BEND3: variants seen among roughly 807,000 people sequenced by gnomAD.
BEND3 encodes BEN domain containing 3.
Under a neutral mutation model 60.1 loss-of-function variants are expected in BEND3, and 13 were observed. That is an observed-to-expected ratio of 0.22 (90% CI 0.14 to 0.34). The LOEUF is 0.34. BEND3 is among the 10% of genes least tolerant of loss of function. BEND3 has a pLI of 1.00. For synonymous variants in BEND3, 497 were observed against 491.5 expected, an observed-to-expected ratio of 1.01 and a Z score of -0.15; for missense variants, 896 against 1,138.1, an observed-to-expected ratio of 0.79 and a Z score of 3.06.
At chr6:107,110,603 G>C (rs1554238248) in intron 1 of BEND3, among the ~76,000 whole-genome samples, 1 of 152,096 alleles carries the variant, frequency 6.6e-6, no homozygotes, top group African/African-American at 2.4e-5. Flanking sequence ...CTGTCACCCA[G>C]GCTGGAGTGC....
At chr6:107,101,719 G>A (rs1242681402) in intron 1 of BEND3, among the ~76,000 whole-genome samples, 1 of 152,138 alleles carries the variant, frequency 6.6e-6, no homozygotes, top group Non-Finnish European at 1.5e-5. Context: ...ACTTTGGATC[G>A]CCATCATCTG....
In BEND3 at chr6:107,068,970, C is replaced by A. The variant is rs373175633; in HGVS notation, c.2221G>T (p.Ala741Ser). The change falls in exon 4 of 4, where the codon GCC becomes TCC. Residue 741 changes from alanine (A) to serine (S), a missense_variant. Physicochemically the swap from Ala to Ser is moderately conservative, Grantham distance 99. Coordinates refer to ENST00000369042, the MANE Select transcript of BEND3 (RefSeq NM_001367314.1). The surrounding 1 kb of genome is among the most constrained non-coding windows in gnomAD (Gnocchi z 5.8). ...GGAAACAGGCGGACGAGGAGCCGGG[C>A]GGCAAAGTTGCCCACGGAGAGGCTC... ...QQSLSVGNFA[A>S]RLLVRLFPEL... 5 of 1,613,714 alleles carry A rather than the reference C, an allele frequency of 3.1e-6. No individual in the cohort carries two copies. In the African/African-American group the frequency reaches 4.0e-5, roughly 13 times the overall value.
intron 3 of BEND3, among the ~76,000 whole-genome samples, chr6:107,086,112 C>G (rs1316677690): frequency 1.3e-5 from 2 of 152,158 alleles, no homozygotes; most frequent in African/African-American, 4.8e-5. Context: ...AAGGCTTGCC[C>G]TCCGGAGAAC....
At position 107,069,305 on chromosome 6, in the gene BEND3, C is replaced by T; in HGVS notation, c.1886G>A (p.Arg629His). ...GCCCACGAACTCCAGGGTCCAGACG[C>T]GGTCGTTTTTGGCGCGTGGGTAGAG... ...QLLYPRAKND[R>H]VWTLEFVGKL... The change falls in exon 4 of 4, where the codon CGC becomes CAC. Residue 629 changes from arginine to histidine, a missense_variant. By Grantham distance (29) the Arg-to-His change is conservative. Around this residue, in one of 4 missense-constraint regions of BEND3, gnomAD observed 846 missense variants for 1,036.7 expected, o/e 0.82. Transcript: ENST00000369042. 1.9e-6 allele frequency: 3 copies of T among 1,613,268 alleles called. No individual in the cohort carries two copies. Among genetic ancestry groups the T allele is most frequent in the Non-Finnish European group, 2.5e-6 (3 of 1,179,858 alleles).
intron 3 of BEND3, among the ~76,000 whole-genome samples, chr6:107,072,664 G>C (rs534163664): frequency 6.6e-6 from 1 of 152,240 alleles, no homozygotes; most frequent in East Asian, 1.9e-4. Context: ...TCATCATTCT[G>C]AACCTTCCAT....
chr6:107,069,086 G>A lies in BEND3; in HGVS notation c.2105C>T (p.Pro702Leu). The A allele has an allele frequency of 1.2e-6, 2 of 1,613,132 alleles. No individual in the cohort carries two copies. The highest frequency in any genetic ancestry group is 1.7e-6 in the Non-Finnish European group (2 of 1,179,974). Residue 702 changes from proline to leucine, a missense_variant, in exon 4 of 4, where the codon CCC (proline) becomes CTC (leucine). Coordinates refer to ENST00000369042, the MANE Select transcript of BEND3 (RefSeq NM_001367314.1). ...CGAGGGGACCACCAGCTCGTCCAAG[G>A]GGATCTTGCAAAAGTCCTTGCTGCT... ...ERSSKDFCKI[P>L]LDELVVPSPD...
Position 107,077,081 on chromosome 6 carries a change from T to A in BEND3, c.241-6131A>T, listed in dbSNP as rs1775116028. 2.0e-5 allele frequency among the ~76,000 whole-genome samples: 3 copies of A among 151,980 alleles called. No individual in the cohort carries two copies. In the South Asian group the frequency reaches 6.2e-4, roughly 32 times the overall value. ...TATCCTGGGTATTAATTAGGGCAGG[T>A]CTCCCTCTAGAACATGTACTCTTGT... On this transcript the variant is annotated intron_variant, in intron 3 of 3. Coordinates refer to ENST00000369042, the MANE Select transcript of BEND3 (RefSeq NM_001367314.1).
intron 3 of BEND3, among the ~76,000 whole-genome samples, chr6:107,094,857 G>C (rs2115022928): frequency 8.4e-6 from 1 of 119,352 alleles, no homozygotes; most frequent in East Asian, 2.6e-4. Context: ...GTCTCACTCT[G>C]TCACCCAGAC....
chr6:107,069,171 C>T lies in BEND3; in HGVS notation c.2020G>A (p.Ala674Thr). The stretch of plus-strand genomic sequence containing the variant: ...TCCCGGAACCTCTCGGGGTTGATTG[C>T]ATAGCTGGTCAAGTCTCTGCACTCA... ...GPECRDLTSYAINPERFREEF... is the reference protein window; with the variant it reads ...GPECRDLTSYTINPERFREEF... The change falls in exon 4 of 4, where the codon GCA becomes ACA. Residue 674 changes from alanine (A) to threonine (T), a missense_variant. Physicochemically the swap from Ala to Thr is moderately conservative, Grantham distance 58. Transcript: ENST00000369042. 5 of 1,612,594 alleles carry T rather than the reference C, an allele frequency of 3.1e-6. No homozygotes were observed. The highest frequency in any genetic ancestry group is 1.1e-5 in the South Asian group (1 of 91,038).
In BEND3 at chr6:107,093,410, A is replaced by G. The variant is rs1025509901; in HGVS notation, c.240+5141T>C. On this transcript the variant is annotated intron_variant, in intron 3 of 3. Transcript: ENST00000369042. The stretch of plus-strand genomic sequence containing the variant: ...CGGGAGGCGGAGCTTGCAGTGAGCC[A>G]AGATCGCGCCACTGCACTCCAGCCT... 5.1e-4 allele frequency among the ~76,000 whole-genome samples: 77 copies of G among 151,912 alleles called. 3 individuals are homozygous for G. Among genetic ancestry groups the G allele is most frequent in the African/African-American group, 7.3e-5 (3 of 41,370 alleles).
At chr6:107,106,360 A>G (rs146767825) in intron 1 of BEND3, among the ~76,000 whole-genome samples, 203 of 152,272 alleles carry the variant, frequency 1.3e-3, no homozygotes, top group African/African-American at 4.5e-3. Flanking sequence ...GACTCCCGGC[A>G]TGAGAGCTTC....
At chr6:107,099,956 G>C (rs1423112569) in intron 1 of BEND3, among the ~76,000 whole-genome samples, 1 of 151,570 alleles carries the variant, frequency 6.6e-6, no homozygotes, top group African/African-American at 2.4e-5. Context: ...TGCAGCCTCT[G>C]ATTCCTGGGC....
intron 3 of BEND3, among the ~76,000 whole-genome samples, chr6:107,073,267 A>G (rs1238037639): frequency 7.5e-5 from 7 of 92,820 alleles, no homozygotes; most frequent in African/African-American, 1.9e-4. Context: ...ATATATATGT[A>G]TGTGAGCAAA....
In BEND3 at chr6:107,070,260, C is replaced by T; in HGVS notation, c.931G>A (p.Val311Met). The change falls in exon 4 of 4, where the codon GTG becomes ATG. Residue 311 changes from valine to methionine, a missense_variant. This residue lies in a region of BEND3 where 846 missense variants were observed against 1,036.7 expected (regional missense o/e 0.82). Transcript: ENST00000369042. This position sits in a 1 kb window ranked among gnomAD's most constrained non-coding sequence, Gnocchi z 6.9. Reference protein sequence around the residue: ...SLHLQLIRNYVEVYYPSVKDT... With the variant: ...SLHLQLIRNYMEVYYPSVKDT... ...TTCACCGAGGGGTAGTAGACCTCCA[C>T]ATAGTTGCGGATGAGCTGCAGGTGC... is the stretch of plus-strand genomic sequence containing the variant. 1 of 1,613,014 alleles carries T rather than the reference C, an allele frequency of 6.2e-7. No individual in the cohort carries two copies. The highest frequency in any genetic ancestry group is 1.7e-5 in the Admixed American group (1 of 60,020).
Position 107,098,753 on chromosome 6 carries a change from A to T in BEND3, c.38T>A (p.Val13Asp). ...STEFTEDVEE[V>D]LKSITVKVET... is the part of the protein sequence containing the mutation. ...CACTTTCACAGTGATACTTTTTAGA[A>T]CTGTGTCAGAGAAGAAATAGGGCTC... Residue 13 changes from valine to aspartate, a missense_variant and splice_region_variant, in exon 3 of 4, where the codon GTT (valine) becomes GAT (aspartate). By Grantham distance (152) the Val-to-Asp change is radical. Around this residue, in one of 4 missense-constraint regions of BEND3, gnomAD observed 846 missense variants for 1,036.7 expected, o/e 0.82. Transcript: ENST00000369042. 1 of 1,613,548 alleles carries T rather than the reference A, an allele frequency of 6.2e-7. No individual in the cohort carries two copies. Among genetic ancestry groups the T allele is most frequent in the East Asian group, 2.2e-5 (1 of 44,870 alleles).
chr6:107,071,352 T>C (rs1774976888), intron 3 of BEND3, among the ~76,000 whole-genome samples: 1 of 152,182 alleles, frequency 6.6e-6, no homozygotes, highest in Non-Finnish European at 1.5e-5. Flanking sequence ...GGTCACCCCA[T>C]GGACCCGTGC....
chr6:107,091,832 C>T (rs782449711), intron 3 of BEND3, among the ~76,000 whole-genome samples: 1 of 152,120 alleles, frequency 6.6e-6, no homozygotes, highest in Non-Finnish European at 1.5e-5. Context: ...CAAAACCAGA[C>T]AAAGACATTA....
chr6:107,104,736 G>A (rs576071388), intron 1 of BEND3, among the ~76,000 whole-genome samples: 2 of 150,618 alleles, frequency 1.3e-5, no homozygotes, highest in Admixed American at 6.6e-5. Flanking sequence ...TGGTATGATC[G>A]TGTCTTACTG....
chr6:107,109,442 C>CAAAAAAAAAAG (rs1775893205), intron 1 of BEND3, among the ~76,000 whole-genome samples: 1 of 48,676 alleles, frequency 2.1e-5, no homozygotes, highest in African/African-American at 7.0e-5. Flanking sequence ...GACTCTGTCT[C>CAAAAAAAAAAG]AAAAAAAAAA....
Sources: allele counts gnomAD v4.1 joint callset (sites outside exome capture counted in the v4.1 genomes callset), GRCh38; gene constraint gnomAD v4.1.1; regional missense constraint gnomAD v4.1.1; non-coding constraint Gnocchi (gnomAD v3.1); transcripts MANE v1.5; gene names NCBI Gene and HGNC (gene_info 2026-07-23, HGNC 2026-07-21).